The following MCM9 variants were observed in gnomAD, a reference collection of about 807,000 sequenced individuals.
MCM9 encodes minichromosome maintenance 9 homologous recombination repair factor, also known as DNA helicase MCM9.
MCM9 carries 55 observed loss-of-function variants against 72.8 expected under a neutral mutation model. The observed-to-expected ratio is 0.76, with a 90% CI of 0.61 to 0.95. The LOEUF (loss-of-function observed/expected upper bound fraction) is 0.95. Among genes scored for constraint, MCM9 ranks in the 40% least tolerant of loss-of-function variants. The pLI, the probability that MCM9 is intolerant of heterozygous loss-of-function variation, is 0.00. For missense variants in MCM9, 1,279 were observed against 1,377.0 expected, an observed-to-expected ratio of 0.93 and a Z score of 1.13; for synonymous variants, 480 against 503.4, an observed-to-expected ratio of 0.95 and a Z score of 0.62.
chr6:118,850,053 T>C (rs1458048349), intron 9 of MCM9, among the ~76,000 whole-genome samples: 1 of 151,788 alleles, frequency 6.6e-6, no homozygotes, highest in Non-Finnish European at 1.5e-5. Flanking sequence ...GAAAATACAA[T>C]TAAATAAAAA....
chr6:118,934,542 G>A (rs1782736476), intron 1 of MCM9: 1 of 151,756 alleles, frequency 6.6e-6, no homozygotes, highest in Non-Finnish European at 1.5e-5. Flanking sequence ...GGGCTGGCGG[G>A]ACGCGCGCCC....
chr6:118,852,668 G>C (rs1244371473), intron 9 of MCM9, among the ~76,000 whole-genome samples: 1 of 152,080 alleles, frequency 6.6e-6, no homozygotes, highest in Non-Finnish European at 1.5e-5. Context: ...ATAGCAACTG[G>C]GCAGAGTGAA....
chr6:118,884,575 C>T (rs1348093507), intron 8 of MCM9, among the ~76,000 whole-genome samples: 1 of 151,538 alleles, frequency 6.6e-6, no homozygotes, highest in Non-Finnish European at 1.5e-5. Flanking sequence ...GGAATGCAAC[C>T]GTATCAGTAA....
At chr6:118,917,878 T>G in intron 5 of MCM9, 117 bp from the exon 6 acceptor site, 2 of 814,460 alleles carry the variant, frequency 2.5e-6, no homozygotes, top group Admixed American at 2.5e-5. Context: ...GTTTACAATA[T>G]GTACACTCAT....
At chr6:118,882,137 C>T (rs1181372433) in intron 8 of MCM9, among the ~76,000 whole-genome samples, 1 of 152,178 alleles carries the variant, frequency 6.6e-6, no homozygotes, top group Non-Finnish European at 1.5e-5. Context: ...AAAGAATCCT[C>T]GGCACCCCAA....
chr6:118,854,149 A>G (rs1776406828), intron 9 of MCM9, among the ~76,000 whole-genome samples: 1 of 152,152 alleles, frequency 6.6e-6, no homozygotes, highest in African/African-American at 2.4e-5. Context: ...TTCTATGTAG[A>G]CAATCATGCC....
chr6:118,897,669 G>C (rs1779520320), intron 8 of MCM9, among the ~76,000 whole-genome samples: 2 of 151,946 alleles, frequency 1.3e-5, no homozygotes, highest in East Asian at 3.9e-4. Flanking sequence ...ATACTTTCAG[G>C]CTGGGTAAAT....
At chr6:118,885,121 G>A (rs1031941468) in intron 8 of MCM9, among the ~76,000 whole-genome samples, 19 of 152,242 alleles carry the variant, frequency 1.2e-4, no homozygotes, top group South Asian at 1.2e-3. Context: ...GGGTGAACCC[G>A]GGAGGCGGAG....
At chr6:118,877,072 A>G (rs1056066185) in intron 8 of MCM9, among the ~76,000 whole-genome samples, 2 of 152,176 alleles carry the variant, frequency 1.3e-5, no homozygotes, top group African/African-American at 2.4e-5. Flanking sequence ...ACTATGTTGT[A>G]AAGAAGCCTA....
At chr6:118,818,443 G>T (rs1228048437) in intron 13 of MCM9, among the ~76,000 whole-genome samples, 1 of 152,150 alleles carries the variant, frequency 6.6e-6, no homozygotes, top group Non-Finnish European at 1.5e-5. Context: ...GGTTGTAGAT[G>T]TGTGGTGTTA....
chr6:118,835,202 G>T (rs920306628), intron 9 of MCM9, among the ~76,000 whole-genome samples: 2 of 152,092 alleles, frequency 1.3e-5, no homozygotes, highest in African/African-American at 2.4e-5. Flanking sequence ...TGTTCCATTG[G>T]TCTATATATC....
intron 9 of MCM9, among the ~76,000 whole-genome samples, chr6:118,838,159 CTTT>C (rs759862698): frequency 4.2e-5 from 5 of 119,694 alleles, no homozygotes; most frequent in Admixed American, 8.5e-5. Context: ...GTTGAAAATT[CTTT>C]TTTTTTTTTT....
chr6:118,824,626 C>A (rs1369716636), intron 13 of MCM9, among the ~76,000 whole-genome samples: 6 of 152,094 alleles, frequency 3.9e-5, no homozygotes, highest in African/African-American at 1.4e-4. Flanking sequence ...TGTTTTGAGG[C>A]ACATAGAATG....
At chr6:118,876,219 G>T (rs928530535) in intron 8 of MCM9, among the ~76,000 whole-genome samples, 3 of 150,900 alleles carry the variant, frequency 2.0e-5, no homozygotes, top group African/African-American at 7.4e-5. Context: ...GTTGCCAGGG[G>T]TTGAAGGGAA....
intron 9 of MCM9, among the ~76,000 whole-genome samples, chr6:118,853,807 A>AT (rs965358524): frequency 9.9e-5 from 15 of 151,772 alleles, no homozygotes; most frequent in African/African-American, 1.7e-4. Context: ...TCAAAAACAA[A>AT]TTTTTTTTTA....
At chr6:118,893,949 C>T (rs1779142749) in intron 8 of MCM9, 4 of 930,060 alleles carry the variant, frequency 4.3e-6, no homozygotes, top group Non-Finnish European at 5.1e-6. Context: ...CTCCCCGCCG[C>T]GGCCACGCCC....
intron 9 of MCM9, among the ~76,000 whole-genome samples, chr6:118,853,068 T>C (rs1339460886): frequency 6.6e-6 from 1 of 152,194 alleles, no homozygotes; most frequent in Non-Finnish European, 1.5e-5. Flanking sequence ...TTCTGGGTTG[T>C]TTATATAATT....
At chr6:118,873,391 C>A (rs1332402756) in intron 8 of MCM9, among the ~76,000 whole-genome samples, 2 of 151,994 alleles carry the variant, frequency 1.3e-5, no homozygotes, top group Non-Finnish European at 2.9e-5. Flanking sequence ...GGCCTCTGGA[C>A]AGGATAATGA....
At chr6:118,882,830 T>TA (rs199795700) in intron 8 of MCM9, among the ~76,000 whole-genome samples, 11,059 of 150,956 alleles carry the variant, frequency 0.073, 631 homozygotes, top group East Asian at 0.26. Flanking sequence ...CAAACAACAA[T>TA]AAAAAAAAGG....
Sources: gnomAD v4.1 joint callset for allele counts (sites outside exome capture counted in the v4.1 genomes callset) on GRCh38, gnomAD v4.1.1 for gene constraint, MANE v1.5 for transcripts, NCBI Gene and HGNC (gene_info 2026-07-23, HGNC 2026-07-21) for gene names.